The following DNAH12 variants were observed in gnomAD, a reference collection of about 807,000 sequenced individuals.
The protein encoded by DNAH12 is dynein axonemal heavy chain 12, also known as axonemal beta dynein heavy chain 12.
DNAH12 carries 285 observed loss-of-function variants against 371.5 expected under a neutral mutation model. That is an observed-to-expected ratio of 0.77 (90% CI 0.70 to 0.85). The LOEUF is 0.85. DNAH12 is among the 40% of genes least tolerant of loss of function. The probability of loss-of-function intolerance (pLI) is 0.00; values close to 1 mark genes in which losing one functional copy is unlikely to be tolerated. For synonymous variants in DNAH12, 1,200 were observed against 1,213.0 expected, an observed-to-expected ratio of 0.99 and a Z score of 0.22; for missense variants, 3,611 against 3,689.4, an observed-to-expected ratio of 0.98 and a Z score of 0.55.
the DNAH12 span, among the ~76,000 whole-genome samples, chr3:57,549,684 C>T: frequency 6.8e-3 from 1,037 of 151,918 alleles, 11 homozygotes; most frequent in African/African-American, 0.023. Flanking sequence ...AGTGCAATGG[C>T]GCAATCTCAG....
chr3:57,452,146 T>C (rs545123801), intron 25 of DNAH12, among the ~76,000 whole-genome samples: 2 of 152,294 alleles, frequency 1.3e-5, no homozygotes, highest in East Asian at 3.9e-4. Context: ...CGCTGCAGTC[T>C]GGTACCGATA....
chr3:57,530,419 C>T, intron 2 of DNAH12: 1 of 621,972 alleles, frequency 1.6e-6, no homozygotes, highest in Non-Finnish European at 2.9e-6. Context: ...TAGCCATCTG[C>T]TGGGCCACAC....
rs1456302330 is a variant in DNAH12, at chr3:57,502,332, CAT to C, written c.1232_1233del (p.Tyr411Ter). On this transcript the variant is annotated frameshift_variant, in exon 10 of 74. Coordinates refer to ENST00000495027, the MANE Select transcript of DNAH12 (RefSeq NM_001366028.2). LOFTEE classifies it high-confidence loss of function. ...HRNLEGARKHYETYVEKYNWL... is the reference protein window; with the variant it reads ...HRNLEGARKHXETYVEKYNWL... The stretch of plus-strand genomic sequence containing the variant: ...TGTATGTCATACACACCATATGTCT[CAT>C]AATGCTTTCTTGCACCTTCTAAGTT... The C allele has an allele frequency of 6.2e-7, 1 of 1,613,916 alleles. No homozygotes were observed. The highest frequency in any genetic ancestry group is 8.5e-7 in the Non-Finnish European group (1 of 1,179,980).
At chr3:57,326,957 CAAAG>C (rs1463441474) in intron 62 of DNAH12, among the ~76,000 whole-genome samples, 8 of 152,058 alleles carry the variant, frequency 5.3e-5, no homozygotes, top group Non-Finnish European at 8.8e-5. Flanking sequence ...TCAAAAGAGA[CAAAG>C]AAGGCTATTA....
At chr3:57,327,819 T>TA (rs1354222867) in intron 62 of DNAH12, among the ~76,000 whole-genome samples, 2 of 151,816 alleles carry the variant, frequency 1.3e-5, no homozygotes, top group Non-Finnish European at 2.9e-5. Flanking sequence ...CTAGCAAGAC[T>TA]AATAAAGAAA....
intron 60 of DNAH12, among the ~76,000 whole-genome samples, chr3:57,347,721 T>TAAA (rs367887966): frequency 1.5e-5 from 2 of 131,232 alleles, no homozygotes; most frequent in Admixed American, 7.7e-5. Flanking sequence ...GAATCTGTCT[T>TAAA]AAAAAAAAAA....
intron 2 of DNAH12, 28 bp downstream of exon 2, chr3:57,542,673 A>G: frequency 6.5e-7 from 1 of 1,532,226 alleles, no homozygotes; most frequent in Non-Finnish European, 8.8e-7. Context: ...AATTCCAAGC[A>G]AGAATTATCT....
intron 27 of DNAH12, among the ~76,000 whole-genome samples, chr3:57,445,657 T>C (rs930591986): frequency 6.6e-6 from 1 of 151,662 alleles, no homozygotes; most frequent in Admixed American, 6.6e-5. Flanking sequence ...TCATTTTGAA[T>C]GGATTATGCT....
intron 25 of DNAH12, among the ~76,000 whole-genome samples, chr3:57,448,178 G>A (rs1337670463): frequency 6.6e-6 from 1 of 152,204 alleles, no homozygotes; most frequent in Non-Finnish European, 1.5e-5. Context: ...GGACCCTCGA[G>A]GTGAGTCTTA....
chr3:57,347,749 G>T (rs1399791594), intron 60 of DNAH12, among the ~76,000 whole-genome samples: 1 of 148,560 alleles, frequency 6.7e-6, no homozygotes, highest in Non-Finnish European at 1.5e-5. Context: ...CAAAAGACCT[G>T]AACAGACATT....
intron 66 of DNAH12, among the ~76,000 whole-genome samples, chr3:57,313,630 G>A (rs570185962): frequency 5.4e-4 from 82 of 152,278 alleles, no homozygotes; most frequent in African/African-American, 1.9e-3. Context: ...TCCAGCCTGG[G>A]TGACAGAGTG....
chr3:57,412,656 G>A, intron 39 of DNAH12, among the ~76,000 whole-genome samples: 1 of 152,178 alleles, frequency 6.6e-6, no homozygotes, highest in East Asian at 1.9e-4. Flanking sequence ...CACCAAGTAA[G>A]ATACAGAGAG....
At chr3:57,358,071 A>T (rs2062841650) in intron 58 of DNAH12, among the ~76,000 whole-genome samples, 1 of 152,200 alleles carries the variant, frequency 6.6e-6, no homozygotes, top group Non-Finnish European at 1.5e-5. Context: ...TTCTTTGGTA[A>T]TGCTATCCAC....
intron 2 of DNAH12, among the ~76,000 whole-genome samples, chr3:57,534,308 T>C (rs1254735983): frequency 6.6e-6 from 1 of 152,154 alleles, no homozygotes; most frequent in Non-Finnish European, 1.5e-5. Context: ...AATATGAAGT[T>C]AAAACAAGGT....
intron 70 of DNAH12, among the ~76,000 whole-genome samples, chr3:57,299,177 A>T (rs2061294667): frequency 6.6e-6 from 1 of 152,182 alleles, no homozygotes; most frequent in Non-Finnish European, 1.5e-5. Context: ...AAGACCCACA[A>T]GGCAAACATT....
intron 58 of DNAH12, among the ~76,000 whole-genome samples, chr3:57,358,326 A>G (rs1265421445): frequency 1.6e-4 from 25 of 152,314 alleles, no homozygotes; most frequent in African/African-American, 6.0e-4. Flanking sequence ...AAAGGAAGAG[A>G]TACAAAAGTC....
chr3:57,337,643 G>C (rs1375617337), intron 60 of DNAH12, among the ~76,000 whole-genome samples: 3 of 152,092 alleles, frequency 2.0e-5, no homozygotes, highest in African/African-American at 7.2e-5. Context: ...TGGGCAAGAA[G>C]AGTGAAACTC....
At chr3:57,307,966 G>A (rs549063790) in intron 69 of DNAH12, among the ~76,000 whole-genome samples, 3 of 152,156 alleles carry the variant, frequency 2.0e-5, no homozygotes, top group South Asian at 2.1e-4. Context: ...CCTTTCCATC[G>A]TGGAACTCTA....
At chr3:57,445,471 T>A (rs1175333612) in intron 27 of DNAH12, 52 bp from the exon 28 acceptor site, 1 of 1,395,942 alleles carries the variant, frequency 7.2e-7, no homozygotes, top group East Asian at 2.6e-5. Flanking sequence ...AAGCTGTTTT[T>A]AAGCTGAGCA....
Sources: allele counts gnomAD v4.1 joint callset (sites outside exome capture counted in the v4.1 genomes callset), GRCh38; gene constraint gnomAD v4.1.1; transcripts MANE v1.5; gene names NCBI Gene and HGNC (gene_info 2026-07-23, HGNC 2026-07-21).